The following SLC25A21 variants were observed in gnomAD, a reference collection of about 807,000 sequenced individuals.
The protein encoded by SLC25A21 is solute carrier family 25 member 21, also known as mitochondrial 2-oxodicarboxylate carrier.
In SLC25A21, 47 loss-of-function variants were observed where a neutral mutation model predicts 43.8. That is an observed-to-expected ratio of 1.07 (90% CI 0.85 to 1.37). The LOEUF (loss-of-function observed/expected upper bound fraction) is 1.37. Ranked by LOEUF, SLC25A21 falls within the 40% of genes most tolerant of loss-of-function variation. The probability of loss-of-function intolerance (pLI) is 0.00; values close to 1 mark genes in which losing one functional copy is unlikely to be tolerated. For synonymous variants in SLC25A21, 131 were observed against 121.3 expected (o/e 1.08, Z -0.52); for missense variants, 352 against 350.2 (o/e 1.00, Z -0.04).
At chr14:37,015,033 T>A (rs1325899664) in intron 1 of SLC25A21, among the ~76,000 whole-genome samples, 1 of 152,008 alleles carries the variant, frequency 6.6e-6, no homozygotes, top group East Asian at 1.9e-4. Context: ...AGATTTGGCA[T>A]AATTCTTTAT....
At chr14:36,837,437 C>G (rs1056248277) in intron 2 of SLC25A21, among the ~76,000 whole-genome samples, 1 of 151,930 alleles carries the variant, frequency 6.6e-6, no homozygotes, top group African/African-American at 2.4e-5. Flanking sequence ...GAAGGGGCTG[C>G]GTTTAGGGTC....
chr14:36,966,470 A>T (rs910180676), intron 1 of SLC25A21, among the ~76,000 whole-genome samples: 6 of 152,184 alleles, frequency 3.9e-5, no homozygotes, highest in Non-Finnish European at 8.8e-5. Flanking sequence ...TGTGTCCTGG[A>T]GTGGACTCAG....
chr14:36,698,132 T>C (rs916022445), intron 7 of SLC25A21, among the ~76,000 whole-genome samples: 1 of 152,178 alleles, frequency 6.6e-6, no homozygotes, highest in Non-Finnish European at 1.5e-5. Flanking sequence ...CTCTTGGCAT[T>C]TGCTTGTCTG....
At chr14:37,087,940 C>G (rs777741693) in intron 1 of SLC25A21, among the ~76,000 whole-genome samples, 1 of 152,188 alleles carries the variant, frequency 6.6e-6, no homozygotes, top group African/African-American at 2.4e-5. Flanking sequence ...TAAGGTTCAT[C>G]CTGCAGATGT....
chr14:36,723,270 T>A (rs7160534), intron 6 of SLC25A21, among the ~76,000 whole-genome samples: 84,402 of 152,048 alleles, frequency 0.56, 23,698 homozygotes, highest in African/African-American at 0.65. Context: ...AAAGCACCTA[T>A]GGCTTCAATT....
chr14:36,702,335 T>G (rs1003824779), intron 7 of SLC25A21, among the ~76,000 whole-genome samples: 11 of 151,586 alleles, frequency 7.3e-5, no homozygotes, highest in Admixed American at 2.6e-4. Context: ...GCCCAAACAT[T>G]GTTTCCAAAA....
At chr14:36,767,213 T>G (rs1479123620) in intron 3 of SLC25A21, among the ~76,000 whole-genome samples, 1 of 152,224 alleles carries the variant, frequency 6.6e-6, no homozygotes, top group Admixed American at 6.5e-5. Flanking sequence ...CTCACAGTAC[T>G]TAGTAAACTG....
chr14:36,991,736 T>C (rs1037522521), intron 1 of SLC25A21, among the ~76,000 whole-genome samples: 1 of 152,102 alleles, frequency 6.6e-6, no homozygotes, highest in African/African-American at 2.4e-5. Flanking sequence ...CAATACACAA[T>C]ACAGGGAAAT....
At chr14:36,861,901 C>A (rs992754232) in intron 2 of SLC25A21, among the ~76,000 whole-genome samples, 2 of 152,000 alleles carry the variant, frequency 1.3e-5, no homozygotes, top group Admixed American at 1.3e-4. Context: ...ACAGAATCTA[C>A]AAGGAACTTA....
chr14:37,002,422 A>G (rs1240436532), intron 1 of SLC25A21, among the ~76,000 whole-genome samples: 3 of 152,128 alleles, frequency 2.0e-5, no homozygotes, highest in Admixed American at 6.6e-5. Context: ...TACTAACCCT[A>G]CCAGCTTTAT....
chr14:37,054,727 T>G (rs1171778789), intron 1 of SLC25A21, among the ~76,000 whole-genome samples: 3 of 152,176 alleles, frequency 2.0e-5, no homozygotes, highest in African/African-American at 7.2e-5. Flanking sequence ...AAAAAAAGAA[T>G]TGTTCCATTT....
chr14:36,782,078 T>C lies in SLC25A21; in HGVS notation c.203+31840A>G, dbSNP rs75775457. Among the ~76,000 whole-genome samples, 280 of 152,266 alleles carry C rather than the reference T, an allele frequency of 1.8e-3. 3 individuals are homozygous for C. Among genetic ancestry groups the C allele is most frequent in the African/African-American group, 6.4e-3 (266 of 41,550 alleles). The stretch of plus-strand genomic sequence containing the variant: ...TCCCACTCTCCCCTGGCCTGCAAGG[T>C]TTCTGTTGAGAAATCTGCTAAAAGT... On this transcript the variant is annotated intron_variant, in intron 3 of 9. Transcript: ENST00000331299.
At chr14:36,945,634 C>A (rs1478638069) in intron 1 of SLC25A21, among the ~76,000 whole-genome samples, 1 of 152,102 alleles carries the variant, frequency 6.6e-6, no homozygotes, top group Non-Finnish European at 1.5e-5. Context: ...CTGTGCAATT[C>A]CACTTATATA....
At chr14:36,972,908 C>G (rs1959783695) in intron 1 of SLC25A21, among the ~76,000 whole-genome samples, 1 of 152,126 alleles carries the variant, frequency 6.6e-6, no homozygotes, top group Non-Finnish European at 1.5e-5. Flanking sequence ...TCATGGCTCA[C>G]TGCAGCCTTA....
At chr14:36,926,247 C>T (rs947617079) in intron 1 of SLC25A21, among the ~76,000 whole-genome samples, 5 of 152,076 alleles carry the variant, frequency 3.3e-5, no homozygotes, top group Non-Finnish European at 5.9e-5. Context: ...TCACGGAACA[C>T]AGTTTAAAAT....
intron 3 of SLC25A21, among the ~76,000 whole-genome samples, chr14:36,785,737 G>A (rs1887226502): frequency 6.6e-6 from 1 of 152,192 alleles, no homozygotes; most frequent in Non-Finnish European, 1.5e-5. Context: ...GGGGCCAGAT[G>A]TAGTCACCTT....
intron 2 of SLC25A21, among the ~76,000 whole-genome samples, chr14:36,818,633 A>G (rs1888530865): frequency 1.3e-5 from 2 of 152,224 alleles, no homozygotes; most frequent in South Asian, 2.1e-4. Context: ...AAGTACTTGC[A>G]GTATTTGGTT....
chr14:36,907,456 A>T (rs61305435), intron 1 of SLC25A21, among the ~76,000 whole-genome samples: 6,672 of 151,966 alleles, frequency 0.044, 274 homozygotes, highest in African/African-American at 0.1. Flanking sequence ...TTATTTTTTT[A>T]AAAAAACCTA....
intron 5 of SLC25A21, among the ~76,000 whole-genome samples, chr14:36,727,953 T>A (rs1833347301): frequency 6.6e-6 from 1 of 152,180 alleles, no homozygotes; most frequent in Non-Finnish European, 1.5e-5. Flanking sequence ...TATTACTTAC[T>A]CTATGCAATC....
Sources: allele counts gnomAD v4.1 joint callset (sites outside exome capture counted in the v4.1 genomes callset), GRCh38; gene constraint gnomAD v4.1.1; transcripts MANE v1.5; gene names NCBI Gene and HGNC (gene_info 2026-07-23, HGNC 2026-07-21).